Variants in GRIA3 observed in about 807,000 individuals in gnomAD.
GRIA3 encodes glutamate ionotropic receptor AMPA type subunit 3, also known as glutamate receptor 3.
In GRIA3, 3 loss-of-function variants were observed where a neutral mutation model predicts 63.0. The observed-to-expected ratio is 0.05, with a 90% CI of 0.02 to 0.12. The LOEUF (loss-of-function observed/expected upper bound fraction) is 0.12, where lower values mean the gene tolerates loss of function less well. GRIA3 is among the 10% of genes least tolerant of loss of function. The pLI, the probability that GRIA3 is intolerant of heterozygous loss-of-function variation, is 1.00. For synonymous variants in GRIA3, 274 were observed against 257.9 expected, an observed-to-expected ratio of 1.06 and a Z score of -0.60; for missense variants, 347 against 700.9, an observed-to-expected ratio of 0.50 and a Z score of 5.70.
At chrX:123,221,831 C>T (rs1174447384) in intron 2 of GRIA3, among the ~76,000 whole-genome samples, 1 of 111,447 alleles carries the variant, frequency 9.0e-6, no homozygotes, top group East Asian at 2.8e-4. Flanking sequence ...GTATATATGA[C>T]CTTTTTATAC....
intron 10 of GRIA3, among the ~76,000 whole-genome samples, chrX:123,413,961 G>C (rs1047005783): frequency 5.4e-5 from 6 of 112,049 alleles, no homozygotes; most frequent in African/African-American, 1.9e-4. Context: ...GCTAAGGAAA[G>C]CACGTACATA....
At chrX:123,307,342 T>C (rs1344570122) in intron 3 of GRIA3, among the ~76,000 whole-genome samples, 1 of 112,078 alleles carries the variant, frequency 8.9e-6, no homozygotes, top group Non-Finnish European at 1.9e-5. Context: ...ACAGGGAAGA[T>C]GATAATAGGA....
intron 4 of GRIA3, among the ~76,000 whole-genome samples, chrX:123,331,866 C>A (rs928172595): frequency 1.8e-5 from 2 of 111,422 alleles, no homozygotes; most frequent in African/African-American, 6.5e-5. Flanking sequence ...AAAGACTGTT[C>A]CACTACCTTC....
chrX:123,241,118 T>C (rs958017357), intron 2 of GRIA3, among the ~76,000 whole-genome samples: 6 of 111,921 alleles, frequency 5.4e-5, no homozygotes, highest in African/African-American at 2.0e-4. Context: ...CCAATAATTT[T>C]GTCCTTGGCC....
intron 12 of GRIA3, among the ~76,000 whole-genome samples, chrX:123,458,351 C>T (rs184984306): frequency 3.4e-4 from 37 of 109,160 alleles, no homozygotes; most frequent in Non-Finnish European, 6.3e-4. Context: ...ACAGAGAGGA[C>T]GTACTGCCCA....
intron 12 of GRIA3, among the ~76,000 whole-genome samples, chrX:123,458,360 C>T (rs1196848978): frequency 9.2e-6 from 1 of 109,161 alleles, no homozygotes; most frequent in Non-Finnish European, 1.9e-5. Context: ...ACGTACTGCC[C>T]AATTCAAGCA....
intron 12 of GRIA3, among the ~76,000 whole-genome samples, chrX:123,447,458 C>A (rs73541975): frequency 0.038 from 4,253 of 111,548 alleles, 196 homozygotes; most frequent in African/African-American, 0.13. Context: ...AAACTCAAGT[C>A]AAACCAAATA....
intron 12 of GRIA3, among the ~76,000 whole-genome samples, chrX:123,448,623 A>C (rs2045715013): frequency 8.9e-6 from 1 of 112,386 alleles, no homozygotes; most frequent in Admixed American, 9.4e-5. Flanking sequence ...AACTAAAATT[A>C]AAAGTAAATT....
intron 11 of GRIA3, among the ~76,000 whole-genome samples, chrX:123,425,207 G>A (rs1375892345): frequency 9.0e-6 from 1 of 111,565 alleles, no homozygotes; most frequent in Non-Finnish European, 1.9e-5. Flanking sequence ...CAAAATACGG[G>A]TATTTTATAC....
intron 4 of GRIA3, among the ~76,000 whole-genome samples, chrX:123,329,492 A>T (rs957887869): frequency 9.0e-6 from 1 of 111,612 alleles, no homozygotes; most frequent in Non-Finnish European, 1.9e-5. Flanking sequence ...AACTGTTTCA[A>T]CCCTTGAGAT....
intron 2 of GRIA3, among the ~76,000 whole-genome samples, chrX:123,214,686 T>C (rs1223618037): frequency 2.7e-5 from 3 of 112,182 alleles, no homozygotes; most frequent in African/African-American, 6.5e-5. Flanking sequence ...TGAACATTCA[T>C]AATGCACATG....
chrX:123,253,614 C>A (rs2044403173), intron 3 of GRIA3, 72 bp downstream of exon 3: 3 of 861,835 alleles, frequency 3.5e-6, no homozygotes, highest in Non-Finnish European at 5.1e-6. Context: ...GCTTATGTGC[C>A]CTTTGCTTCC....
At chrX:123,353,975 G>A (rs1203276917) in intron 4 of GRIA3, among the ~76,000 whole-genome samples, 1 of 111,667 alleles carries the variant, frequency 9.0e-6, no homozygotes, top group East Asian at 2.8e-4. Flanking sequence ...ACATTTGATT[G>A]GAAAATATTC....
At chrX:123,187,452 C>CT (rs1317526548) in intron 2 of GRIA3, among the ~76,000 whole-genome samples, 1 of 111,966 alleles carries the variant, frequency 8.9e-6, no homozygotes, top group Non-Finnish European at 1.9e-5. Flanking sequence ...TACGAAATGT[C>CT]TGTCTATACT....
intron 3 of GRIA3, among the ~76,000 whole-genome samples, chrX:123,285,598 A>T (rs1184313146): frequency 1.9e-5 from 2 of 105,843 alleles, no homozygotes; most frequent in Admixed American, 1.0e-4. Flanking sequence ...AAAAAAAAAA[A>T]AAAAGCAGGG....
chrX:123,242,995 A>G (rs2044338741), intron 2 of GRIA3, among the ~76,000 whole-genome samples: 1 of 112,413 alleles, frequency 8.9e-6, no homozygotes, highest in Non-Finnish European at 1.9e-5. Context: ...AATACTATGG[A>G]GTAGGTACTA....
intron 2 of GRIA3, among the ~76,000 whole-genome samples, chrX:123,223,788 T>C (rs1247620551): frequency 9.0e-6 from 1 of 111,720 alleles, no homozygotes; most frequent in East Asian, 2.8e-4. Flanking sequence ...GATCCTAAAA[T>C]ACAAATTTGA....
chrX:123,395,123 A>T lies in GRIA3; in HGVS notation c.906A>T (p.Pro302=), dbSNP rs748195945. 9.1e-6 allele frequency: 11 copies of T among 1,205,346 alleles called. No homozygotes were observed. In the South Asian group the frequency reaches 1.9e-4, roughly 21 times the overall value. ...AATTCCCTGAAGCCAAGAATGCACC[A>T]CTAAAGGTAATGTTCCATGGCATGT... ...EREFPEAKNA[P]LKYTSALTHD... The change falls in exon 6 of 16, where the codon CCA becomes CCT. Residue 302 remains proline (P), a synonymous_variant. Transcript: ENST00000620443.
intron 10 of GRIA3, among the ~76,000 whole-genome samples, chrX:123,407,691 C>CGGGGGGGGGGGG (rs1214936362): frequency 4.9e-4 from 1 of 2,050 alleles, no homozygotes; most frequent in Non-Finnish European, 1.0e-3. Flanking sequence ...GACTTGGTTG[C>CGGGGGGGGGGGG]GGGGGGGGGG....
Sources: allele counts gnomAD v4.1 joint callset (sites outside exome capture counted in the v4.1 genomes callset), GRCh38; gene constraint gnomAD v4.1.1; transcripts MANE v1.5; gene names NCBI Gene and HGNC (gene_info 2026-07-23, HGNC 2026-07-21).